The following TTC29 variants were observed in gnomAD, a reference collection of about 807,000 sequenced individuals.
TTC29 encodes tetratricopeptide repeat domain 29.
In TTC29, 49 loss-of-function variants were observed where a neutral mutation model predicts 58.1. The observed-to-expected ratio is 0.84, with a 90% CI of 0.67 to 1.07. The LOEUF (loss-of-function observed/expected upper bound fraction) is 1.07, where lower values mean the gene tolerates loss of function less well. Ranked by LOEUF, TTC29 falls within the 50% of genes least tolerant of loss-of-function variation. TTC29 has a pLI of 0.00. For synonymous variants in TTC29, 209 were observed against 196.8 expected (o/e 1.06, Z -0.52); for missense variants, 582 against 555.6 (o/e 1.05, Z -0.48).
At chr4:146,931,874 T>C (rs1457319954) in intron 4 of TTC29, among the ~76,000 whole-genome samples, 1 of 152,104 alleles carries the variant, frequency 6.6e-6, no homozygotes, top group African/African-American at 2.4e-5. Flanking sequence ...CTAGTGAACA[T>C]TGTTGTTTTA....
In TTC29 at chr4:146,833,826, G is replaced by C. The variant is rs756489183; in HGVS notation, c.957C>G (p.Ala319=). 1 of 1,613,200 alleles carries C rather than the reference G, an allele frequency of 6.2e-7. No homozygotes were observed. The highest frequency in any genetic ancestry group is 1.1e-5 in the South Asian group (1 of 91,052). The change falls in exon 9 of 13, where the codon GCC becomes GCG. Residue 319 remains alanine, a synonymous_variant. Transcript: ENST00000325106. ...DDLSLGRGYE[A]IAKVLQSQGE... is the part of the protein sequence containing the mutation. The stretch of plus-strand genomic sequence containing the variant: ...CTTACCTCTGCAGGACCTTGGCTAT[G>C]GCTTCATAGCCTCTCCCCAGACTGA...
At chr4:146,910,312 G>T (rs549571287) in intron 4 of TTC29, among the ~76,000 whole-genome samples, 1 of 152,030 alleles carries the variant, frequency 6.6e-6, no homozygotes, top group African/African-American at 2.4e-5. Flanking sequence ...ATGAAATTAG[G>T]TATGTGAGAA....
intron 11 of TTC29, among the ~76,000 whole-genome samples, chr4:146,784,744 G>T (rs1184727592): frequency 6.6e-6 from 1 of 152,068 alleles, no homozygotes; most frequent in South Asian, 2.1e-4. Context: ...CCAATTAATA[G>T]CATTTTGTTA....
intron 11 of TTC29, among the ~76,000 whole-genome samples, chr4:146,720,892 A>G (rs1363478618): frequency 6.6e-6 from 1 of 152,158 alleles, no homozygotes; most frequent in East Asian, 1.9e-4. Context: ...CATTTGTCAC[A>G]CACTCAACAG....
rs1727674834 is a variant in TTC29 at position 146,824,994 on chromosome 4, T to C, written c.978-4746A>G. ...GTGTCTATTTGATTCTTCTCTCTCTTCTTCTATATTAGTCTTGCTAGCAGT... is the reference window on the plus strand; with the variant it reads ...GTGTCTATTTGATTCTTCTCTCTCTCCTTCTATATTAGTCTTGCTAGCAGT... On this transcript the variant is annotated intron_variant, in intron 9 of 12. Coordinates refer to ENST00000325106, the MANE Select transcript of TTC29 (RefSeq NM_031956.4). Among the ~76,000 whole-genome samples, 4 of 152,178 alleles carry C rather than the reference T, an allele frequency of 2.6e-5. No individual in the cohort carries two copies. The South Asian group carries it at 8.3e-4, about 31-fold the overall frequency.
rs1010009188 is a variant in TTC29 at position 146,798,702 on chromosome 4, A to C, written c.1330+4755T>G. ...TCAGATTGAGACCATCCTGGGTAACACAGTGAAACCCCGTCTCTACTAAAA... is the reference window on the plus strand; with the variant it reads ...TCAGATTGAGACCATCCTGGGTAACCCAGTGAAACCCCGTCTCTACTAAAA... On this transcript the variant is annotated intron_variant, in intron 11 of 12. Transcript: ENST00000325106. 1.4e-4 allele frequency among the ~76,000 whole-genome samples: 21 copies of C among 151,872 alleles called. No homozygotes were observed. The East Asian group carries it at 4.1e-3, about 29-fold the overall frequency.
chr4:146,709,745 C>G (rs1281270929), intron 11 of TTC29, among the ~76,000 whole-genome samples: 3 of 152,086 alleles, frequency 2.0e-5, no homozygotes, highest in Non-Finnish European at 4.4e-5. Flanking sequence ...CTCAAACCTC[C>G]CAACCTCCAC....
chr4:146,921,026 C>T (rs1246418378), intron 4 of TTC29, among the ~76,000 whole-genome samples: 3 of 151,530 alleles, frequency 2.0e-5, no homozygotes, highest in Non-Finnish European at 4.4e-5. Flanking sequence ...AACTTGAATG[C>T]TTAAAAGATA....
chr4:146,845,287 T>A (rs1011900331), intron 8 of TTC29, among the ~76,000 whole-genome samples: 3 of 152,094 alleles, frequency 2.0e-5, no homozygotes, highest in African/African-American at 4.8e-5. Context: ...ACAATGTAGG[T>A]TGATTCTTTC....
chr4:146,731,728 T>C (rs1195051032), intron 11 of TTC29, among the ~76,000 whole-genome samples: 1 of 152,166 alleles, frequency 6.6e-6, no homozygotes, highest in African/African-American at 2.4e-5. Context: ...CCTCTGAGGA[T>C]TAGAGATTAT....
chr4:146,708,561 TACTTA>T (rs1742235914), intron 11 of TTC29, among the ~76,000 whole-genome samples: 1 of 151,346 alleles, frequency 6.6e-6, no homozygotes, highest in Non-Finnish European at 1.5e-5. Flanking sequence ...GTTAATTTGT[TACTTA>T]ACTTTAACTT....
intron 11 of TTC29, among the ~76,000 whole-genome samples, chr4:146,751,268 C>A (rs1745970137): frequency 6.6e-6 from 1 of 152,122 alleles, no homozygotes; most frequent in Non-Finnish European, 1.5e-5. Flanking sequence ...ATAATAGTAG[C>A]AGATTTCAAT....
intron 10 of TTC29, among the ~76,000 whole-genome samples, chr4:146,815,852 T>C (rs1436837230): frequency 6.6e-6 from 1 of 152,180 alleles, no homozygotes; most frequent in Non-Finnish European, 1.5e-5. Flanking sequence ...AAAACACAAC[T>C]TTTTAGCCTA....
chr4:146,728,785 G>GTATATATACA (rs1561066219), intron 11 of TTC29, among the ~76,000 whole-genome samples: 1 of 119,268 alleles, frequency 8.4e-6, no homozygotes, highest in Non-Finnish European at 1.6e-5. Flanking sequence ...ATATATATGT[G>GTATATATACA]TATATATACG....
At chr4:146,911,292 G>T (rs1733878122) in intron 4 of TTC29, among the ~76,000 whole-genome samples, 1 of 152,148 alleles carries the variant, frequency 6.6e-6, no homozygotes, top group Non-Finnish European at 1.5e-5. Flanking sequence ...TGATAAGTCT[G>T]TCACAATGTC....
chr4:146,728,802 TAC>T (rs1311876074), intron 11 of TTC29, among the ~76,000 whole-genome samples: 1 of 125,538 alleles, frequency 8.0e-6, no homozygotes, highest in East Asian at 2.1e-4. Context: ...TACGTATATA[TAC>T]ACATATATAT....
At chr4:146,852,530 A>T (rs1364358931) in intron 8 of TTC29, among the ~76,000 whole-genome samples, 1 of 152,158 alleles carries the variant, frequency 6.6e-6, no homozygotes, top group Non-Finnish European at 1.5e-5. Context: ...TCACTCCTGC[A>T]AGGCTCCTAC....
intron 8 of TTC29, among the ~76,000 whole-genome samples, chr4:146,849,816 T>C (rs893381794): frequency 1.3e-5 from 2 of 152,258 alleles, no homozygotes; most frequent in East Asian, 3.9e-4. Flanking sequence ...GCTTTTGCCC[T>C]GGCCATTACC....
At chr4:146,913,879 T>C (rs1327668118) in intron 4 of TTC29, among the ~76,000 whole-genome samples, 1 of 152,174 alleles carries the variant, frequency 6.6e-6, no homozygotes, top group Non-Finnish European at 1.5e-5. Context: ...GATATATAAC[T>C]GATATCAATT....
Sources: allele counts gnomAD v4.1 joint callset (sites outside exome capture counted in the v4.1 genomes callset), GRCh38; gene constraint gnomAD v4.1.1; transcripts MANE v1.5; gene names NCBI Gene and HGNC (gene_info 2026-07-23, HGNC 2026-07-21).